LYRM4: variants seen among roughly 807,000 people sequenced by gnomAD.
LYRM4 encodes the protein LYR motif-containing protein 4.
In LYRM4, 9 loss-of-function variants were observed where a neutral mutation model predicts 11.7. The ratio of observed to expected loss-of-function variants is 0.77; its 90% CI spans 0.46 to 1.34. The LOEUF is 1.34. LYRM4 is among the 40% of genes most tolerant of loss of function. LYRM4 has a pLI of 0.00. For missense variants in LYRM4, 133 were observed against 112.5 expected, an observed-to-expected ratio of 1.18 and a Z score of -0.82; for synonymous variants, 42 against 40.4, an observed-to-expected ratio of 1.04 and a Z score of -0.15.
the LYRM4 span, among the ~76,000 whole-genome samples, chr6:5,090,041 C>CACACACACACAA: frequency 6.7e-5 from 5 of 74,934 alleles, no homozygotes; most frequent in Non-Finnish European, 5.1e-5. This position sits in a 1 kb window ranked among gnomAD's most constrained non-coding sequence, Gnocchi z 4.8. Flanking sequence ...CACACACACA[C>CACACACACACAA]CACACACACA....
the LYRM4 span, among the ~76,000 whole-genome samples, chr6:5,064,379 T>C: frequency 3.3e-5 from 5 of 152,160 alleles, no homozygotes; most frequent in Admixed American, 1.3e-4. Context: ...TATGTTTTAT[T>C]TTTAGAGCAG....
chr6:5,146,686 G>A (rs139343503), intron 2 of LYRM4, among the ~76,000 whole-genome samples: 2 of 152,302 alleles, frequency 1.3e-5, no homozygotes, highest in Non-Finnish European at 2.9e-5. Flanking sequence ...GAACAGCTTA[G>A]GAATAATTGC....
chr6:5,201,324 C>A (rs529030306), intron 2 of LYRM4, among the ~76,000 whole-genome samples: 1 of 152,290 alleles, frequency 6.6e-6, no homozygotes, highest in Non-Finnish European at 1.5e-5. Context: ...AGTGCACGGG[C>A]AGGCTCAAAT....
intron 2 of LYRM4, among the ~76,000 whole-genome samples, chr6:5,204,725 C>A (rs1470648870): frequency 6.6e-6 from 1 of 152,078 alleles, no homozygotes; most frequent in African/African-American, 2.4e-5. Flanking sequence ...CAGATCCTCC[C>A]GTGACTTGTG....
intron 2 of LYRM4, among the ~76,000 whole-genome samples, chr6:5,110,453 G>T (rs59153390): frequency 4.6e-5 from 7 of 152,072 alleles, no homozygotes; most frequent in Non-Finnish European, 2.9e-5. Flanking sequence ...GGACCGCCGC[G>T]CCGTCCATCT....
chr6:5,045,819 A>G, the LYRM4 span, among the ~76,000 whole-genome samples: 4 of 152,400 alleles, frequency 2.6e-5, no homozygotes, highest in East Asian at 7.7e-4. Flanking sequence ...TGTATTTAAC[A>G]TGGAGAAATG....
At chr6:5,095,046 A>G in the LYRM4 span, among the ~76,000 whole-genome samples, 3 of 152,178 alleles carry the variant, frequency 2.0e-5, no homozygotes, top group Non-Finnish European at 2.9e-5. Flanking sequence ...TTACCCTGAT[A>G]TGATCATCAC....
chr6:5,219,624 T>G lies in LYRM4; in HGVS notation c.87-2886A>C, dbSNP rs532108201. On this transcript the variant is annotated intron_variant, in intron 1 of 2. Coordinates refer to ENST00000330636, the MANE Select transcript of LYRM4 (RefSeq NM_020408.6). ...AGCTTTGTGAAAGTCATCAAAAATCTGAGTGAATCTTCAAATTTGGTGGGA... is the reference window on the plus strand; with the variant it reads ...AGCTTTGTGAAAGTCATCAAAAATCGGAGTGAATCTTCAAATTTGGTGGGA... 1.3e-3 allele frequency among the ~76,000 whole-genome samples: 195 copies of G among 152,322 alleles called. 1 individual carries two copies. Among genetic ancestry groups the G allele is most frequent in the African/African-American group, 4.4e-3 (182 of 41,576 alleles).
chr6:5,194,624 G>A (rs1256019037), intron 2 of LYRM4, among the ~76,000 whole-genome samples: 1 of 152,188 alleles, frequency 6.6e-6, no homozygotes, highest in Non-Finnish European at 1.5e-5. Context: ...TCTTTTTTAA[G>A]CTCTCCAGTA....
At chr6:5,085,775 A>G in the LYRM4 span, 1 of 1,534,082 alleles carries the variant, frequency 6.5e-7, no homozygotes, top group Non-Finnish European at 8.8e-7. Flanking sequence ...CAGGCGGCCA[A>G]GTTCCTGCAG....
At chr6:5,148,542 G>GAAC (rs1561830591) in intron 2 of LYRM4, among the ~76,000 whole-genome samples, 1 of 7,140 alleles carries the variant, frequency 1.4e-4, no homozygotes, top group Non-Finnish European at 2.8e-4. Flanking sequence ...ACAAGTCATG[G>GAAC]TGCCTTCTAA....
rs983271248 is a variant in LYRM4 at position 5,260,767 on chromosome 6, C to T, written c.-34G>A. The T allele has an allele frequency of 7.2e-6, 11 of 1,538,310 alleles. No individual in the cohort carries two copies. Among genetic ancestry groups the T allele is most frequent in the Non-Finnish European group, 8.7e-6 (10 of 1,146,472 alleles). ...GAAAAAAAAATAAACGGGTCCTCTTCGCCGAGGTCCCAAGTACGACCCAAC... is the reference window on the plus strand; with the variant it reads ...GAAAAAAAAATAAACGGGTCCTCTTTGCCGAGGTCCCAAGTACGACCCAAC... On this transcript the variant is annotated 5_prime_UTR_variant, in exon 1 of 3. Transcript: ENST00000330636.
chr6:5,109,380 G>GA lies in LYRM4; in HGVS notation c.*42dup, dbSNP rs1762773320. 5 of 1,612,912 alleles carry GA rather than the reference G, an allele frequency of 3.1e-6. No homozygotes were observed. The Admixed American group carries it at 8.3e-5, about 27-fold the overall frequency. On this transcript the variant is annotated 3_prime_UTR_variant, in exon 3 of 3. Transcript: ENST00000330636. ...CCATCTCAAACAGAGAGTGGATGCT[G>GA]AAGGTGGTCCCTGGCCGCCACTGGT...
chr6:5,086,487 G>A, the LYRM4 span: 36,653 of 1,537,500 alleles, frequency 0.024, 1,750 homozygotes, highest in African/African-American at 0.19. Flanking sequence ...ACCGCTGCGC[G>A]CAGGGCGAGT....
chr6:5,247,160 C>G (rs1057039704), intron 1 of LYRM4, among the ~76,000 whole-genome samples: 1 of 151,832 alleles, frequency 6.6e-6, no homozygotes, highest in African/African-American at 2.4e-5. Context: ...GGTTATACCC[C>G]CATTGGGAAT....
At chr6:5,189,335 T>A (rs1760616439) in intron 2 of LYRM4, among the ~76,000 whole-genome samples, 1 of 151,984 alleles carries the variant, frequency 6.6e-6, no homozygotes, top group South Asian at 2.1e-4. Context: ...TAGCCTAAGG[T>A]TAGTGGTTAG....
chr6:5,109,377 G>A lies in LYRM4; in HGVS notation c.*46C>T. 1 of 1,612,894 alleles carries A rather than the reference G, an allele frequency of 6.2e-7. No individual in the cohort carries two copies. The highest frequency in any genetic ancestry group is 2.2e-5 in the East Asian group (1 of 44,836). On this transcript the variant is annotated 3_prime_UTR_variant, in exon 3 of 3. Transcript: ENST00000330636. ...CCCCCATCTCAAACAGAGAGTGGAT[G>A]CTGAAGGTGGTCCCTGGCCGCCACT...
At chr6:5,086,679 G>T in the LYRM4 span, 2 of 836,238 alleles carry the variant, frequency 2.4e-6, no homozygotes. Context: ...GGCGTGAGGG[G>T]CGCGTGGAGG....
downstream of LYRM4, among the ~76,000 whole-genome samples, chr6:5,101,810 CCT>C (rs1762505725): frequency 6.6e-6 from 1 of 151,570 alleles, no homozygotes; most frequent in African/African-American, 2.4e-5. Context: ...TTTATCTTTC[CCT>C]CTCTCTTTTT....
Sources: gnomAD v4.1 joint callset for allele counts (sites outside exome capture counted in the v4.1 genomes callset) on GRCh38, gnomAD v4.1.1 for gene constraint, Gnocchi (gnomAD v3.1) non-coding constraint, MANE v1.5 for transcripts, NCBI Gene and HGNC (gene_info 2026-07-23, HGNC 2026-07-21) for gene names.